Variants in PCDH11X observed in about 807,000 individuals in gnomAD.
The protein encoded by PCDH11X is protocadherin 11 X-linked.
In PCDH11X, 18 loss-of-function variants were observed where a neutral mutation model predicts 53.3. That is an observed-to-expected ratio of 0.34 (90% confidence interval 0.23 to 0.50). The LOEUF (loss-of-function observed/expected upper bound fraction) is 0.50. PCDH11X is among the 20% of genes least tolerant of loss of function. PCDH11X has a pLI of 0.98. For missense variants in PCDH11X, 570 were observed against 1,032.4 expected (o/e 0.55, Z 6.14); for synonymous variants, 279 against 393.3 (o/e 0.71, Z 3.44).
intron 4 of PCDH11X, 152 bp from the exon 5 acceptor site, chrX:91,835,309 A>C (rs1937253896): frequency 1.7e-5 from 20 of 1,183,264 alleles, no homozygotes; most frequent in Middle Eastern, 2.4e-4. Context: ...TTTGATTCAG[A>C]ACAAATTTAT....
intron 6 of PCDH11X, among the ~76,000 whole-genome samples, chrX:92,148,074 CTTT>C (rs1300474768): frequency 1.1e-4 from 1 of 9,439 alleles, no homozygotes; most frequent in African/African-American, 5.4e-4. Context: ...TTCTTTCTTT[CTTT>C]CTTTCTTTCT....
At chrX:91,975,436 T>C (rs2062033677) in intron 6 of PCDH11X, among the ~76,000 whole-genome samples, 1 of 111,158 alleles carries the variant, frequency 9.0e-6, no homozygotes, top group Non-Finnish European at 1.9e-5. Flanking sequence ...GAATGGGCAG[T>C]TGGATATAGG....
intron 8 of PCDH11X, among the ~76,000 whole-genome samples, chrX:92,343,769 C>A (rs2069822414): frequency 9.0e-6 from 1 of 111,142 alleles, no homozygotes; most frequent in African/African-American, 3.3e-5. Flanking sequence ...TTAATACCCA[C>A]CTCAATAGCA....
At chrX:92,294,325 T>C (rs2068563120) in intron 8 of PCDH11X, among the ~76,000 whole-genome samples, 1 of 110,219 alleles carries the variant, frequency 9.1e-6, no homozygotes, top group Admixed American at 9.7e-5. Context: ...GGATTTGTAG[T>C]AGAGACAGGG....
chrX:91,824,009 C>A (rs1264192535), intron 4 of PCDH11X, among the ~76,000 whole-genome samples: 1 of 110,909 alleles, frequency 9.0e-6, no homozygotes, highest in Non-Finnish European at 1.9e-5. Context: ...GGCCCCCACT[C>A]TCTTCTGGCT....
chrX:92,470,330 G>A (rs1188007835), intron 10 of PCDH11X, among the ~76,000 whole-genome samples: 5 of 100,118 alleles, frequency 5.0e-5, no homozygotes, highest in African/African-American at 1.8e-4. Context: ...TTGTTTATCA[G>A]TTCTAATCAT....
intron 6 of PCDH11X, among the ~76,000 whole-genome samples, chrX:92,031,234 A>C (rs2063044809): frequency 9.1e-6 from 1 of 109,988 alleles, no homozygotes; most frequent in African/African-American, 3.3e-5. Context: ...CTAACAATCA[A>C]CGTTGAGCAA....
intron 6 of PCDH11X, among the ~76,000 whole-genome samples, chrX:92,162,191 A>AT (rs36065112): frequency 2.2e-3 from 188 of 85,544 alleles, no homozygotes; most frequent in East Asian, 7.9e-3. Flanking sequence ...TGCTGTTTAG[A>AT]TTTTTTTTTT....
chrX:91,781,813 T>C (rs1935154899), intron 1 of PCDH11X, among the ~76,000 whole-genome samples: 2 of 112,410 alleles, frequency 1.8e-5, no homozygotes, highest in Non-Finnish European at 3.8e-5. Context: ...GCGGGCGGTC[T>C]TGACGAAAGA....
At chrX:92,192,095 A>G (rs1421362854) in intron 6 of PCDH11X, among the ~76,000 whole-genome samples, 1 of 111,685 alleles carries the variant, frequency 9.0e-6, no homozygotes, top group Non-Finnish European at 1.9e-5. Flanking sequence ...AATTTTTTTA[A>G]TGAAGGAGAA....
chrX:92,244,839 A>G (rs1273008301), intron 7 of PCDH11X, among the ~76,000 whole-genome samples: 1 of 112,027 alleles, frequency 8.9e-6, no homozygotes, highest in Non-Finnish European at 1.9e-5. Context: ...TGGATGCTCA[A>G]TAATATTTGT....
chrX:92,406,882 G>A (rs1198682602), intron 9 of PCDH11X, among the ~76,000 whole-genome samples: 2 of 102,445 alleles, frequency 2.0e-5, no homozygotes, highest in Non-Finnish European at 3.9e-5. Context: ...AGCCGAGATC[G>A]CGCCACTGCA....
At chrX:92,241,676 C>A (rs1257046341) in intron 7 of PCDH11X, among the ~76,000 whole-genome samples, 1 of 111,813 alleles carries the variant, frequency 8.9e-6, no homozygotes, top group Non-Finnish European at 1.9e-5. Context: ...ATGATTACAG[C>A]CAATATATTA....
At chrX:92,278,046 G>A (rs978161990) in intron 8 of PCDH11X, among the ~76,000 whole-genome samples, 11 of 111,035 alleles carry the variant, frequency 9.9e-5, no homozygotes, top group Admixed American at 1.9e-4. Context: ...CGTGACCAGC[G>A]CTGGAGTTTT....
intron 10 of PCDH11X, among the ~76,000 whole-genome samples, chrX:92,481,615 G>A (rs1196489647): frequency 9.0e-6 from 1 of 110,930 alleles, no homozygotes; most frequent in African/African-American, 3.3e-5. Context: ...TGCGCAGGTT[G>A]GACCATCCCC....
At chrX:91,781,868 C>G (rs1056065844) in intron 1 of PCDH11X, among the ~76,000 whole-genome samples, 5 of 112,693 alleles carry the variant, frequency 4.4e-5, no homozygotes, top group Non-Finnish European at 7.5e-5. Flanking sequence ...CTTTCTCCCT[C>G]GACTAAATTA....
intron 7 of PCDH11X, among the ~76,000 whole-genome samples, chrX:92,246,621 G>A (rs1450996786): frequency 9.0e-6 from 1 of 111,666 alleles, no homozygotes; most frequent in Non-Finnish European, 1.9e-5. Context: ...AAAGTGCTGG[G>A]ATTATAGGTG....
chrX:91,826,197 G>C (rs1326639731), intron 4 of PCDH11X, among the ~76,000 whole-genome samples: 4 of 111,083 alleles, frequency 3.6e-5, no homozygotes, highest in Non-Finnish European at 7.5e-5. Flanking sequence ...GCTAAATAGA[G>C]AAAACATTTT....
At chrX:92,512,473 G>A (rs1278514705) in intron 10 of PCDH11X, among the ~76,000 whole-genome samples, 1 of 111,576 alleles carries the variant, frequency 9.0e-6, no homozygotes, top group Non-Finnish European at 1.9e-5. Context: ...AAAATGTTTT[G>A]AGGAGACTGG....
Sources: allele counts gnomAD v4.1 joint callset (sites outside exome capture counted in the v4.1 genomes callset), GRCh38; gene constraint gnomAD v4.1.1; transcripts MANE v1.5; gene names NCBI Gene and HGNC (gene_info 2026-07-23, HGNC 2026-07-21).